RAD18: variants seen among roughly 807,000 people sequenced by gnomAD.
The protein encoded by RAD18 is E3 ubiquitin-protein ligase RAD18.
Under a neutral mutation model 60.4 loss-of-function variants are expected in RAD18, and 47 were observed. That is an observed-to-expected ratio of 0.78 (90% CI 0.62 to 0.99). The LOEUF (loss-of-function observed/expected upper bound fraction) is 0.99, where lower values mean the gene tolerates loss of function less well. Among genes scored for constraint, RAD18 ranks in the 50% least tolerant of loss-of-function variants. The pLI is 0.00. For missense variants in RAD18, 640 were observed against 593.3 expected (o/e 1.08, Z -0.82); for synonymous variants, 225 against 195.5 (o/e 1.15, Z -1.26).
At chr3:8,915,640 G>A (rs1010181906) in intron 7 of RAD18, among the ~76,000 whole-genome samples, 7 of 150,478 alleles carry the variant, frequency 4.7e-5, no homozygotes, top group Non-Finnish European at 1.0e-4. Context: ...ACGGAGTGCA[G>A]TGGCGCGATC....
intron 4 of RAD18, chr3:8,946,831 C>A (rs1311948423): frequency 5.9e-6 from 1 of 168,282 alleles, no homozygotes; most frequent in Non-Finnish European, 1.3e-5. Flanking sequence ...GGCCTAGAAG[C>A]AATGACACCC....
chr3:8,906,794 GT>G (rs369984359), intron 9 of RAD18, among the ~76,000 whole-genome samples: 68 of 144,690 alleles, frequency 4.7e-4, no homozygotes, highest in African/African-American at 9.7e-4. Flanking sequence ...GGGGGAAACA[GT>G]TTTTTTTTTT....
chr3:8,883,519 ACT>A lies in RAD18; in HGVS notation c.1386-2062_1386-2061del, dbSNP rs1939508172. ...CATCTGGAACCAATATCATACAGAAACTCAGCAAAACCAGTCTTTGCTGGTGG... is the reference window on the plus strand; with the variant it reads ...CATCTGGAACCAATATCATACAGAAACAGCAAAACCAGTCTTTGCTGGTGG... On this transcript the variant is annotated intron_variant, in intron 12 of 12. Coordinates refer to ENST00000264926, the MANE Select transcript of RAD18 (RefSeq NM_020165.4). 5.3e-5 allele frequency among the ~76,000 whole-genome samples: 8 copies of A among 152,256 alleles called. 1 individual carries two copies. In the South Asian group the frequency reaches 1.7e-3, roughly 32 times the overall value.
At position 8,912,375 on chromosome 3, in the gene RAD18, A is replaced by C; in HGVS notation, c.967-3T>G. 6.5e-7 allele frequency: 1 copy of C among 1,529,808 alleles called. No homozygotes were observed. Among genetic ancestry groups the C allele is most frequent in the South Asian group, 1.2e-5 (1 of 80,364 alleles). The allele number at this position is 1,529,808 out of a possible 1,614,324, so 94.8% of individuals were successfully genotyped here. On this transcript the variant is annotated splice_region_variant and splice_polypyrimidine_tract_variant and intron_variant, in intron 8 of 12. Coordinates refer to ENST00000264926, the MANE Select transcript of RAD18 (RefSeq NM_020165.4). ...TGGTCCTTTGTAAAAACCATTACCT[A>C]AAATAATCAAAAAAAGACCTTAATA...
rs1295733130 is a variant in RAD18 at position 8,900,345 on chromosome 3, T to G, written c.1169-1298A>C. Among the ~76,000 whole-genome samples, 3 of 152,168 alleles carry G rather than the reference T, an allele frequency of 2.0e-5. No homozygotes were observed. The East Asian group carries it at 5.8e-4, about 29-fold the overall frequency. On this transcript the variant is annotated intron_variant, in intron 10 of 12. Transcript: ENST00000264926. ...CAGTCAACTCGGTTCACCCAGGGAC[T>G]ATATTACTCAACTAGTGAGGTGCAT...
chr3:8,902,573 C>T, intron 9 of RAD18, 53 bp from the exon 10 acceptor site: 1 of 1,496,798 alleles, frequency 6.7e-7, no homozygotes. Flanking sequence ...AGTTAACCAT[C>T]TACAACTGAC....
intron 12 of RAD18, among the ~76,000 whole-genome samples, chr3:8,886,121 G>A (rs906836883): frequency 2.6e-5 from 4 of 152,196 alleles, no homozygotes; most frequent in African/African-American, 9.7e-5. Flanking sequence ...GAAAAACCTT[G>A]TGGCAATTAG....
chr3:8,938,954 A>G (rs1319505691), intron 6 of RAD18, among the ~76,000 whole-genome samples: 1 of 152,164 alleles, frequency 6.6e-6, no homozygotes, highest in Non-Finnish European at 1.5e-5. Context: ...ATTTTCATGT[A>G]CAAGGGAGGT....
At position 8,936,009 on chromosome 3, in the gene RAD18, G is replaced by T; in HGVS notation, c.751C>A (p.Leu251Ile). 6.2e-7 allele frequency: 1 copy of T among 1,609,594 alleles called. No individual in the cohort carries two copies. The highest frequency in any genetic ancestry group is 1.7e-4 in the Middle Eastern group (1 of 6,022). ...TTTTTCTTTAAATCACGATCAGAGA[G>T]CAAATTATATACAGTTTTGGGCAGC... Reference protein sequence around the residue: ...KPLPKTVYNLLSDRDLKKKLK... With the variant: ...KPLPKTVYNLISDRDLKKKLK... Residue 251 changes from leucine to isoleucine, a missense_variant, in exon 7 of 13, where the codon CTC becomes ATC. Coordinates refer to ENST00000264926, the MANE Select transcript of RAD18 (RefSeq NM_020165.4).
intron 4 of RAD18, 72 bp downstream of exon 4, chr3:8,947,148 T>G (rs1256322115): frequency 1.6e-5 from 19 of 1,159,622 alleles, no homozygotes; most frequent in Non-Finnish European, 2.3e-5. Context: ...AATCCAAAGG[T>G]GCACAAAGTA....
chr3:8,942,383 C>T (rs1940765821), intron 4 of RAD18, among the ~76,000 whole-genome samples: 1 of 152,182 alleles, frequency 6.6e-6, no homozygotes, highest in Admixed American at 6.5e-5. Flanking sequence ...AGCCCAAGAC[C>T]TCACTAGAAG....
intron 9 of RAD18, among the ~76,000 whole-genome samples, chr3:8,904,005 C>T (rs1939961343): frequency 6.6e-6 from 1 of 152,148 alleles, no homozygotes; most frequent in Non-Finnish European, 1.5e-5. Context: ...TATGGTATAA[C>T]TCTGTATGTT....
In RAD18 at chr3:8,879,141, T is replaced by G. The variant is rs906642559; in HGVS notation, c.*2216A>C. On this transcript the variant is annotated 3_prime_UTR_variant, in exon 13 of 13. Coordinates refer to ENST00000264926, the MANE Select transcript of RAD18 (RefSeq NM_020165.4). ...CTTTACATTACAGGTTTCTCAGTCT[T>G]GGCACAACTGACATGTTAGACTGGA... The G allele has an allele frequency of 6.6e-6, 1 of 152,236 alleles. No individual in the cohort carries two copies. The highest frequency in any genetic ancestry group is 2.4e-5 in the African/African-American group (1 of 41,452). The allele number at this position is 152,236 out of a possible 1,614,324, so 9.4% of individuals were successfully genotyped here.
At chr3:8,882,216 A>T (rs1265682436) in intron 12 of RAD18, among the ~76,000 whole-genome samples, 1 of 152,170 alleles carries the variant, frequency 6.6e-6, no homozygotes, top group Non-Finnish European at 1.5e-5. Flanking sequence ...AAACACAGGA[A>T]ACTCCCCCTG....
At chr3:8,927,158 C>T (rs1301116499) in intron 7 of RAD18, among the ~76,000 whole-genome samples, 2 of 152,218 alleles carry the variant, frequency 1.3e-5, no homozygotes, top group African/African-American at 4.8e-5. Flanking sequence ...GCAATCTACT[C>T]ATCTGACAAA....
chr3:8,959,545 G>A (rs967603613), intron 1 of RAD18, among the ~76,000 whole-genome samples: 22 of 152,196 alleles, frequency 1.4e-4, no homozygotes, highest in Non-Finnish European at 7.3e-5. Context: ...CTCCCGTCTG[G>A]CAGTCCAGTG....
chr3:8,946,516 T>A (rs518319), intron 4 of RAD18, among the ~76,000 whole-genome samples: 91,072 of 152,178 alleles, frequency 0.6, 28,960 homozygotes, highest in Middle Eastern at 0.72. Context: ...TTGACTTGCA[T>A]GATTAAAACT....
intron 7 of RAD18, among the ~76,000 whole-genome samples, chr3:8,923,857 C>G (rs1334488463): frequency 6.6e-6 from 1 of 152,162 alleles, no homozygotes; most frequent in Admixed American, 6.5e-5. Flanking sequence ...TACAGACAAG[C>G]AAATGCTGGG....
intron 6 of RAD18, among the ~76,000 whole-genome samples, chr3:8,938,291 A>G (rs532827700): frequency 7.9e-5 from 12 of 152,190 alleles, no homozygotes; most frequent in Non-Finnish European, 1.5e-4. Context: ...ATTGTGTCTT[A>G]TATGTTAGCT....
Sources: allele counts gnomAD v4.1 joint callset (sites outside exome capture counted in the v4.1 genomes callset), GRCh38; gene constraint gnomAD v4.1.1; transcripts MANE v1.5; gene names NCBI Gene and HGNC (gene_info 2026-07-23, HGNC 2026-07-21).